PCSK2: variants seen among roughly 807,000 people sequenced by gnomAD.
PCSK2 encodes the protein neuroendocrine convertase 2.
A neutral mutation model predicts 69.7 loss-of-function variants in PCSK2; 14 were observed. The ratio of observed to expected loss-of-function variants is 0.20; its 90% confidence interval spans 0.13 to 0.31. The LOEUF (loss-of-function observed/expected upper bound fraction) is 0.31. Among genes scored for constraint, PCSK2 ranks in the 10% least tolerant of loss-of-function variants. PCSK2 has a pLI of 1.00. For synonymous variants in PCSK2, 307 were observed against 320.7 expected (o/e 0.96, Z 0.46); for missense variants, 544 against 842.5 (o/e 0.65, Z 4.39).
intron 2 of PCSK2, among the ~76,000 whole-genome samples, chr20:17,306,887 T>C (rs2123103907): frequency 6.6e-6 from 1 of 152,316 alleles, no homozygotes; most frequent in Admixed American, 6.5e-5. Context: ...GAAACTATAT[T>C]GGTATTTAGA....
rs941497173 is a variant in PCSK2, at chr20:17,483,911, C to A, written c.*1841C>A. On this transcript the variant is annotated 3_prime_UTR_variant, in exon 12 of 12. Coordinates refer to ENST00000262545, the MANE Select transcript of PCSK2 (RefSeq NM_002594.5). ...ATAAGTGCACACAGAAATATATATA[C>A]ATATGTAGACTATATACATGTGTGT... 1 of 152,430 alleles carries A rather than the reference C, an allele frequency of 6.6e-6. No homozygotes were observed. Among genetic ancestry groups the A allele is most frequent in the Non-Finnish European group, 1.5e-5 (1 of 68,004 alleles). The allele number at this position is 152,430 out of a possible 1,614,324, so 9.4% of individuals were successfully genotyped here.
intron 2 of PCSK2, among the ~76,000 whole-genome samples, chr20:17,306,284 T>C (rs983316628): frequency 6.6e-6 from 1 of 152,206 alleles, no homozygotes; most frequent in Non-Finnish European, 1.5e-5. Flanking sequence ...TTTGTTTTCT[T>C]ACTTGTTTAC....
At chr20:17,298,204 CTG>C (rs1988960125) in intron 2 of PCSK2, among the ~76,000 whole-genome samples, 1 of 152,150 alleles carries the variant, frequency 6.6e-6, no homozygotes, top group African/African-American at 2.4e-5. Context: ...TTTTAGCACA[CTG>C]TTACTTCCTC....
At chr20:17,370,161 T>C (rs2123231733) in intron 5 of PCSK2, among the ~76,000 whole-genome samples, 1 of 152,312 alleles carries the variant, frequency 6.6e-6, no homozygotes, top group South Asian at 2.1e-4. Context: ...ATCCAAACTA[T>C]TTCTAAGCTA....
At chr20:17,372,272 A>G (rs933526327) in intron 5 of PCSK2, among the ~76,000 whole-genome samples, 1 of 151,982 alleles carries the variant, frequency 6.6e-6, no homozygotes, top group African/African-American at 2.4e-5. Context: ...CCAGATACTC[A>G]GGAGGCTGAG....
intron 2 of PCSK2, among the ~76,000 whole-genome samples, chr20:17,313,577 C>T (rs749588653): frequency 1.3e-5 from 2 of 152,150 alleles, no homozygotes; most frequent in African/African-American, 2.4e-5. Flanking sequence ...GCTCATTTTT[C>T]TCCCCCTCAT....
chr20:17,325,366 T>G (rs774768494), intron 2 of PCSK2, among the ~76,000 whole-genome samples: 3 of 152,244 alleles, frequency 2.0e-5, no homozygotes, highest in Non-Finnish European at 4.4e-5. Context: ...CAAAAGACAT[T>G]GTCCTTTTGG....
At chr20:17,460,625 C>T (rs1229824734) in intron 10 of PCSK2, among the ~76,000 whole-genome samples, 2 of 152,160 alleles carry the variant, frequency 1.3e-5, no homozygotes, top group Non-Finnish European at 2.9e-5. Flanking sequence ...CAATGACTTC[C>T]TGGAATATTT....
chr20:17,423,744 T>C (rs1052564590), intron 6 of PCSK2, among the ~76,000 whole-genome samples: 9 of 152,128 alleles, frequency 5.9e-5, no homozygotes, highest in Non-Finnish European at 8.8e-5. Context: ...AGAAAATTTG[T>C]AAAGAACAGC....
In PCSK2 at chr20:17,481,644, G is replaced by T; in HGVS notation, c.1491G>T (p.Lys497Asn). The change falls in exon 12 of 12, where the codon AAG becomes AAT. Residue 497 changes from lysine (K) to asparagine (N), a missense_variant. Lys to Asn is a moderately conservative substitution (Grantham distance 94, BLOSUM62 0). Transcript: ENST00000262545. ...LTLTTDACEG[K>N]ENFVRYLEHV... Reference sequence around the variant, plus strand: ...TCACAACCGACGCCTGTGAGGGGAAGGAAAATTTTGTCCGCTACCTGGAGC... The same window carrying T: ...TCACAACCGACGCCTGTGAGGGGAATGAAAATTTTGTCCGCTACCTGGAGC... 1 of 1,614,112 alleles carries T rather than the reference G, an allele frequency of 6.2e-7. No homozygotes were observed. Among genetic ancestry groups the T allele is most frequent in the Non-Finnish European group, 8.5e-7 (1 of 1,180,016 alleles).
At chr20:17,475,551 A>G (rs1436478882) in intron 11 of PCSK2, among the ~76,000 whole-genome samples, 3 of 145,732 alleles carry the variant, frequency 2.1e-5, no homozygotes, top group African/African-American at 7.3e-5. Context: ...TATTTCTAGC[A>G]AAAGTGGCTG....
intron 9 of PCSK2, among the ~76,000 whole-genome samples, chr20:17,454,613 C>T (rs1446484944): frequency 1.3e-5 from 2 of 152,214 alleles, no homozygotes; most frequent in African/African-American, 2.4e-5. Flanking sequence ...CTGGGAAATA[C>T]ATCATCTGTA....
At chr20:17,355,646 C>T (rs376390696) in intron 2 of PCSK2, among the ~76,000 whole-genome samples, 2,841 of 85,882 alleles carry the variant, frequency 0.033, 77 homozygotes, top group African/African-American at 0.11. Flanking sequence ...CATGTGTGCA[C>T]GCAAACACAC....
At chr20:17,415,812 A>G (rs1392297713) in intron 6 of PCSK2, among the ~76,000 whole-genome samples, 1 of 152,208 alleles carries the variant, frequency 6.6e-6, no homozygotes, top group Non-Finnish European at 1.5e-5. Context: ...CCAAAACAGC[A>G]TGGCACTGGT....
intron 1 of PCSK2, among the ~76,000 whole-genome samples, chr20:17,234,815 G>A (rs1266920640): frequency 6.6e-6 from 1 of 152,172 alleles, no homozygotes; most frequent in Non-Finnish European, 1.5e-5. Context: ...ACTGCTCAAA[G>A]AGGTCTGGCT....
intron 2 of PCSK2, among the ~76,000 whole-genome samples, chr20:17,323,893 T>G (rs946737097): frequency 2.0e-5 from 3 of 152,218 alleles, no homozygotes; most frequent in African/African-American, 7.2e-5. Context: ...CAACTGCCAA[T>G]ACCTGCAACT....
At chr20:17,355,425 G>T (rs1419290808) in intron 2 of PCSK2, among the ~76,000 whole-genome samples, 1 of 152,128 alleles carries the variant, frequency 6.6e-6, no homozygotes, top group Non-Finnish European at 1.5e-5. Flanking sequence ...CCTCCGATTA[G>T]TGAGTAGAGC....
chr20:17,266,007 T>C (rs1177245393), intron 2 of PCSK2, among the ~76,000 whole-genome samples: 1 of 152,238 alleles, frequency 6.6e-6, no homozygotes, highest in Non-Finnish European at 1.5e-5. Context: ...CTTATGAATC[T>C]GTCGTTCTTT....
chr20:17,447,456 T>C (rs1162359639), intron 8 of PCSK2, among the ~76,000 whole-genome samples: 2 of 152,164 alleles, frequency 1.3e-5, no homozygotes, highest in Non-Finnish European at 2.9e-5. Flanking sequence ...ACCCACCAAA[T>C]TGGCAAAACT....
Sources: allele counts gnomAD v4.1 joint callset (sites outside exome capture counted in the v4.1 genomes callset), GRCh38; gene constraint gnomAD v4.1.1; transcripts MANE v1.5; gene names NCBI Gene and HGNC (gene_info 2026-07-23, HGNC 2026-07-21).